The following DLG4 variants were observed in gnomAD, a reference collection of about 807,000 sequenced individuals.
The protein encoded by DLG4 is discs large MAGUK scaffold protein 4.
In DLG4, 7 loss-of-function variants were observed where a neutral mutation model predicts 93.8. The ratio of observed to expected loss-of-function variants is 0.07; its 90% CI spans 0.04 to 0.14. The LOEUF (loss-of-function observed/expected upper bound fraction) is 0.14, where lower values mean the gene tolerates loss of function less well. DLG4 is among the 10% of genes least tolerant of loss of function. The pLI, the probability that DLG4 is intolerant of heterozygous loss-of-function variation, is 1.00. For synonymous variants in DLG4, 341 were observed against 387.6 expected, an observed-to-expected ratio of 0.88 and a Z score of 1.41; for missense variants, 545 against 992.9, an observed-to-expected ratio of 0.55 and a Z score of 6.06.
At chr17:7,210,274 AGGGAAGT>A (rs2070656135) in intron 1 of DLG4, among the ~76,000 whole-genome samples, 1 of 152,218 alleles carries the variant, frequency 6.6e-6, no homozygotes, top group Non-Finnish European at 1.5e-5. Flanking sequence ...GAATGGGAGA[AGGGAAGT>A]GGTCCTGTCA....
chr17:7,214,311 C>A (rs890589166), intron 1 of DLG4, among the ~76,000 whole-genome samples: 1 of 152,188 alleles, frequency 6.6e-6, no homozygotes, highest in Non-Finnish European at 1.5e-5. Flanking sequence ...CATCCCAGGT[C>A]AGCCCCGCCC....
chr17:7,219,035 A>G (rs2142953622), upstream of DLG4: 4 of 654,574 alleles, frequency 6.1e-6, no homozygotes, highest in East Asian at 1.1e-4. Flanking sequence ...CCCTCTTCCC[A>G]TAGGCAGGCA....
At chr17:7,213,216 A>G (rs985534335) in intron 1 of DLG4, among the ~76,000 whole-genome samples, 14 of 142,406 alleles carry the variant, frequency 9.8e-5, no homozygotes, top group African/African-American at 3.7e-4. Context: ...TCCTACCTCA[A>G]CCTCCCGGAT....
In DLG4 at chr17:7,190,663, C is replaced by A; in HGVS notation, c.*45G>T. 1 of 1,506,700 alleles carries A rather than the reference C, an allele frequency of 6.6e-7. No homozygotes were observed. The highest frequency in any genetic ancestry group is 9.2e-7 in the Non-Finnish European group (1 of 1,082,422). 93.3% of individuals were successfully genotyped at this position (1,506,700 alleles called of 1,614,324 possible). A position where few individuals can be genotyped will look rare whatever the true frequency, so the allele number is the denominator to read the frequency against. Reference sequence around the variant, plus strand: ...GGCAATTCAGTCCAGACCAAGGGCCCAGGTGATGGAGGCAGGGCGAGTCCA... The same window carrying A: ...GGCAATTCAGTCCAGACCAAGGGCCAAGGTGATGGAGGCAGGGCGAGTCCA... On this transcript the variant is annotated 3_prime_UTR_variant, in exon 20 of 20. Coordinates refer to ENST00000399506, the MANE Select transcript of DLG4 (RefSeq NM_001321075.3).
rs374233036 is a variant in DLG4, at chr17:7,195,311, G to A, written c.1302-816C>T. Among the ~76,000 whole-genome samples, 7 of 152,108 alleles carry A rather than the reference G, an allele frequency of 4.6e-5. No homozygotes were observed. The highest frequency in any genetic ancestry group is 8.8e-5 in the Non-Finnish European group (6 of 68,020). ...AAGTGTGACAACCAGATGACATTCC[G>A]CCTGGGAGCCACTACACAACCTCTG... On this transcript the variant is annotated intron_variant, in intron 11 of 19. Transcript: ENST00000399506. The surrounding 1 kb of genome is among the most constrained non-coding windows in gnomAD (Gnocchi z 4.3).
chr17:7,196,405 G>A lies in DLG4; in HGVS notation c.1186+68C>T, dbSNP rs1472495437. 6.2e-6 allele frequency: 10 copies of A among 1,607,522 alleles called. No individual in the cohort carries two copies. The highest frequency in any genetic ancestry group is 8.5e-6 in the Non-Finnish European group (10 of 1,174,200). On this transcript the variant is annotated intron_variant, in intron 10 of 19. Coordinates refer to ENST00000399506, the MANE Select transcript of DLG4 (RefSeq NM_001321075.3). The surrounding 1 kb of genome is among the most constrained non-coding windows in gnomAD (Gnocchi z 8.3). ...GTCACCCCTGTCCTCCCCTACTGAA[G>A]CCATCAGCTGAGGAAGAGTTCTAAG...
intron 17 of DLG4, 122 bp from the exon 18 acceptor site, chr17:7,192,124 A>G (rs1173064804): frequency 1.9e-6 from 1 of 519,796 alleles, no homozygotes; most frequent in Admixed American, 3.7e-5. Context: ...GGGGAGTGAC[A>G]TGGATGTCAA....
chr17:7,216,120 C>T (rs1418638901), intron 1 of DLG4, among the ~76,000 whole-genome samples: 1 of 151,782 alleles, frequency 6.6e-6, no homozygotes, highest in Non-Finnish European at 1.5e-5. Context: ...CACCTTTTCA[C>T]CCCAGTAACC....
rs1323262167 is a variant in DLG4, at chr17:7,195,722, G to A, written c.1301+498C>T. ...AGAAGTGGAGGGGTGACCCCCGGGG[G>A]CGGGAGAGAGGTGTGTTTTGGCAGA... On this transcript the variant is annotated intron_variant, in intron 11 of 19. Transcript: ENST00000399506. This position sits in a 1 kb window ranked among gnomAD's most constrained non-coding sequence, Gnocchi z 4.3. Among the ~76,000 whole-genome samples, 1 of 152,180 alleles carries A rather than the reference G, an allele frequency of 6.6e-6. No individual in the cohort carries two copies. The highest frequency in any genetic ancestry group is 1.5e-5 in the Non-Finnish European group (1 of 68,034).
At chr17:7,220,014 G>A (rs2142959363), upstream of DLG4, 2 of 1,605,152 alleles carry the variant, frequency 1.2e-6, no homozygotes, top group Non-Finnish European at 1.7e-6. Context: ...CCGCGAGCTT[G>A]GGGCGGCAGC....
chr17:7,193,479 T>G lies in DLG4; in HGVS notation c.1693+4A>C, dbSNP rs781626232. ...TCTCCTCCATCCAAGGCCCCAGCAC[T>G]CACGGGGAACACAGGATCCAAACTT... On this transcript the variant is annotated splice_donor_region_variant and intron_variant, in intron 16 of 19. Coordinates refer to ENST00000399506, the MANE Select transcript of DLG4 (RefSeq NM_001321075.3). The surrounding 1 kb of genome is among the most constrained non-coding windows in gnomAD (Gnocchi z 6.7). 6.5e-7 allele frequency: 1 copy of G among 1,529,936 alleles called. No individual in the cohort carries two copies. Among genetic ancestry groups the G allele is most frequent in the East Asian group, 2.3e-5 (1 of 44,136 alleles). The allele number at this position is 1,529,936 out of a possible 1,614,324, so 94.8% of individuals were successfully genotyped here.
At chr17:7,197,541 G>C (rs1227579652) in intron 8 of DLG4, among the ~76,000 whole-genome samples, 4 of 152,038 alleles carry the variant, frequency 2.6e-5, no homozygotes, top group African/African-American at 9.7e-5. Flanking sequence ...CTGGAGTGCA[G>C]TGCCGTGATC....
Position 7,203,080 on chromosome 17 carries a change from C to G in DLG4, c.643-33G>C, listed in dbSNP as rs778591288. 42 of 1,587,666 alleles carry G rather than the reference C, an allele frequency of 2.6e-5. No homozygotes were observed. The highest frequency in any genetic ancestry group is 3.5e-5 in the Non-Finnish European group (41 of 1,160,282). On this transcript the variant is annotated intron_variant, in intron 7 of 19. Transcript: ENST00000399506. The surrounding 1 kb of genome is among the most constrained non-coding windows in gnomAD (Gnocchi z 7.2). ...CAAGGAAAGCAAAGCTCAGACAAAG[C>G]CACAAATGGCCCAAGACAGAAGCAC... is the stretch of plus-strand genomic sequence containing the variant.
chr17:7,205,059 G>A (rs2070386122), intron 2 of DLG4: 1 of 985,508 alleles, frequency 1.0e-6, no homozygotes, highest in South Asian at 4.7e-5. Flanking sequence ...CCTGGGCCCC[G>A]CCCCACGTTA....
chr17:7,211,247 ACC>A (rs560548976), intron 1 of DLG4, among the ~76,000 whole-genome samples: 3 of 145,502 alleles, frequency 2.1e-5, no homozygotes, highest in East Asian at 4.1e-4. Context: ...GGAAAGGAGG[ACC>A]CCCCCCATCC....
chr17:7,188,479 G>T lies in DLG4; in HGVS notation c.*2229C>A, dbSNP rs1169640490. On this transcript the variant is annotated 3_prime_UTR_variant, in exon 20 of 20. Coordinates refer to ENST00000399506, the MANE Select transcript of DLG4 (RefSeq NM_001321075.3). ...CACCTGAGAATCAGAGAAAGGAATAGTACCCCAGCAGGTGCCCCCAAAGGT... is the reference window on the plus strand; with the variant it reads ...CACCTGAGAATCAGAGAAAGGAATATTACCCCAGCAGGTGCCCCCAAAGGT... Among the ~76,000 whole-genome samples the T allele has an allele frequency of 1.3e-5, 2 of 152,136 alleles. No individual in the cohort carries two copies. The highest frequency in any genetic ancestry group is 2.9e-5 in the Non-Finnish European group (2 of 68,028).
At chr17:7,201,679 G>A (rs1357986353) in intron 8 of DLG4, among the ~76,000 whole-genome samples, 1 of 152,112 alleles carries the variant, frequency 6.6e-6, no homozygotes, top group African/African-American at 2.4e-5. Flanking sequence ...TCAGGCATTC[G>A]AGACCAGCCT....
chr17:7,194,215 A>G lies in DLG4; in HGVS notation c.1478+104T>C. On this transcript the variant is annotated intron_variant, in intron 12 of 19. Coordinates refer to ENST00000399506, the MANE Select transcript of DLG4 (RefSeq NM_001321075.3). This position sits in a 1 kb window ranked among gnomAD's most constrained non-coding sequence, Gnocchi z 4.4. Reference sequence around the variant, plus strand: ...AGGAGGGCCCAACAGACAAACCCCTAGGAGTTCAGAGGGCAAACCCATCCC... The same window carrying G: ...AGGAGGGCCCAACAGACAAACCCCTGGGAGTTCAGAGGGCAAACCCATCCC... 1 of 1,448,082 alleles carries G rather than the reference A, an allele frequency of 6.9e-7. No individual in the cohort carries two copies. The allele number at this position is 1,448,082 out of a possible 1,614,324, so 89.7% of individuals were successfully genotyped here.
chr17:7,211,837 GT>G (rs139928154), intron 1 of DLG4: 25 of 17,560 alleles, frequency 1.4e-3, no homozygotes, highest in Non-Finnish European at 2.0e-3. Context: ...GGGGGGGGGG[GT>G]GACGGCGCCT....
Sources: allele counts gnomAD v4.1 joint callset (sites outside exome capture counted in the v4.1 genomes callset), GRCh38; gene constraint gnomAD v4.1.1; non-coding constraint Gnocchi (gnomAD v3.1); transcripts MANE v1.5; gene names NCBI Gene and HGNC (gene_info 2026-07-23, HGNC 2026-07-21).